The following CASD1 variants were observed in gnomAD, a reference collection of about 807,000 sequenced individuals.
The protein encoded by CASD1 is N-acetylneuraminate (7)9-O-acetyltransferase.
In CASD1, 41 loss-of-function variants were observed where a neutral mutation model predicts 100.0. That is an observed-to-expected ratio of 0.41 (90% CI 0.32 to 0.53). CASD1 has a LOEUF of 0.53. CASD1 is among the 20% of genes least tolerant of loss of function. The pLI is 0.25. For missense variants in CASD1, 774 were observed against 948.7 expected (o/e 0.82, Z 2.42); for synonymous variants, 321 against 315.6 (o/e 1.02, Z -0.18).
chr7:94,618,774 T>C, the CASD1 span: 1 of 1,613,934 alleles, frequency 6.2e-7, no homozygotes, highest in Non-Finnish European at 8.5e-7. Flanking sequence ...TTCAGGTCAT[T>C]AATGGGAAGT....
intron 14 of CASD1, 88 bp downstream of exon 14, chr7:94,549,722 C>A (rs2116406499): frequency 1.1e-6 from 1 of 938,766 alleles, no homozygotes; most frequent in Non-Finnish European, 1.6e-6. Flanking sequence ...TACTTAGTTT[C>A]AGAATAAATA....
chr7:94,548,017 G>C (rs1466386189), intron 13 of CASD1, among the ~76,000 whole-genome samples: 1 of 151,030 alleles, frequency 6.6e-6, no homozygotes, highest in Non-Finnish European at 1.5e-5. Context: ...ATTTCTGCTT[G>C]ACACTCAAGC....
chr7:94,594,066 G>A, the CASD1 span, among the ~76,000 whole-genome samples: 1 of 152,010 alleles, frequency 6.6e-6, no homozygotes, highest in African/African-American at 2.4e-5. Flanking sequence ...ACTCTCTCTT[G>A]ACGTTCCTTT....
the CASD1 span, chr7:94,598,578 G>GA: frequency 1.7e-6 from 1 of 596,684 alleles, no homozygotes; most frequent in Non-Finnish European, 3.0e-6. Flanking sequence ...ATCAGTGGGG[G>GA]AAAAAAAGTG....
At chr7:94,609,604 T>C in the CASD1 span, among the ~76,000 whole-genome samples, 4 of 152,144 alleles carry the variant, frequency 2.6e-5, no homozygotes, top group African/African-American at 9.7e-5. Context: ...GTGGTAAATA[T>C]GCACATGAAA....
At chr7:94,555,437 G>A in intron 17 of CASD1, 55 bp from the exon 18 acceptor site, 1 of 1,522,540 alleles carries the variant, frequency 6.6e-7, no homozygotes, top group Non-Finnish European at 8.9e-7. Context: ...AGGGAAAACT[G>A]TAATTTATTC....
the CASD1 span, among the ~76,000 whole-genome samples, chr7:94,579,579 C>A: frequency 6.6e-6 from 1 of 152,136 alleles, no homozygotes; most frequent in Non-Finnish European, 1.5e-5. Flanking sequence ...AATACCATCT[C>A]AGACTTTCCC....
chr7:94,512,608 C>T (rs916699639), intron 1 of CASD1, among the ~76,000 whole-genome samples: 5 of 152,164 alleles, frequency 3.3e-5, no homozygotes, highest in Admixed American at 2.6e-4. Context: ...AGGGACTGTT[C>T]TACTAAAGGT....
the CASD1 span, chr7:94,587,867 A>G: frequency 6.6e-7 from 1 of 1,522,416 alleles, no homozygotes; most frequent in East Asian, 2.6e-5. Flanking sequence ...AAAACATCCA[A>G]CACATTTCTG....
the CASD1 span, among the ~76,000 whole-genome samples, chr7:94,606,557 A>G: frequency 5.9e-5 from 9 of 152,228 alleles, no homozygotes; most frequent in Non-Finnish European, 1.3e-4. Context: ...CTCTATCAGA[A>G]ATGGACACAA....
In CASD1 at chr7:94,527,704, T is replaced by C. The variant is rs553336421; in HGVS notation, c.397-484T>C. ...GAATTAGGCAGGCTCAGTGGAAGAG[T>C]TTTGTGAGCATTATGGACAGAAGGA... On this transcript the variant is annotated intron_variant, in intron 4 of 17. Transcript: ENST00000297273. Among the ~76,000 whole-genome samples, 105 of 151,708 alleles carry C rather than the reference T, an allele frequency of 6.9e-4. 1 individual carries two copies. The highest frequency in any genetic ancestry group is 2.5e-3 in the African/African-American group (104 of 41,322).
chr7:94,605,968 A>T, the CASD1 span, among the ~76,000 whole-genome samples: 6 of 152,062 alleles, frequency 3.9e-5, no homozygotes, highest in African/African-American at 1.4e-4. Flanking sequence ...AGCTGAGACT[A>T]CAGGTGCCCG....
the CASD1 span, among the ~76,000 whole-genome samples, chr7:94,631,761 T>G: frequency 6.6e-6 from 1 of 151,888 alleles, no homozygotes; most frequent in Non-Finnish European, 1.5e-5. Context: ...AGTTTTGAAC[T>G]CCTGCTAAAA....
the CASD1 span, among the ~76,000 whole-genome samples, chr7:94,576,704 T>A: frequency 6.6e-6 from 1 of 152,220 alleles, no homozygotes; most frequent in African/African-American, 2.4e-5. Context: ...CACACATTCC[T>A]CCTGGAACAA....
chr7:94,533,091 A>G (rs1470778843), intron 5 of CASD1, 114 bp from the exon 6 acceptor site: 3 of 607,326 alleles, frequency 4.9e-6, no homozygotes, highest in Non-Finnish European at 8.1e-6. Context: ...CTAAAAACTT[A>G]GAATGAATTT....
At chr7:94,576,036 T>G in the CASD1 span, among the ~76,000 whole-genome samples, 1 of 152,318 alleles carries the variant, frequency 6.6e-6, no homozygotes, top group South Asian at 2.1e-4. Context: ...TTTGGAAGTT[T>G]TGGCCATTGT....
chr7:94,509,855 G>A lies in CASD1; in HGVS notation c.-230G>A. 1 of 1,012,698 alleles carries A rather than the reference G, an allele frequency of 9.9e-7. No individual in the cohort carries two copies. Among genetic ancestry groups the A allele is most frequent in the Non-Finnish European group, 1.2e-6 (1 of 848,442 alleles). The allele number at this position is 1,012,698 out of a possible 1,614,324, so 62.7% of individuals were successfully genotyped here. ...TGGGGAACCGGCACGGCGGAGCAGC[G>A]GCGGCGGGGCTGGGGGGAGGCCGCC... On this transcript the variant is annotated 5_prime_UTR_variant, in exon 1 of 18. Transcript: ENST00000297273.
At chr7:94,514,541 G>A (rs1793878289) in intron 1 of CASD1, among the ~76,000 whole-genome samples, 1 of 152,058 alleles carries the variant, frequency 6.6e-6, no homozygotes, top group South Asian at 2.1e-4. Flanking sequence ...GGTTTATATG[G>A]GCCATCAGAT....
At chr7:94,614,751 G>C in the CASD1 span, among the ~76,000 whole-genome samples, 1 of 152,068 alleles carries the variant, frequency 6.6e-6, no homozygotes. Context: ...TTAATTATCT[G>C]ATTATTTGCC....
Sources: gnomAD v4.1 joint callset for allele counts (sites outside exome capture counted in the v4.1 genomes callset) on GRCh38, gnomAD v4.1.1 for gene constraint, MANE v1.5 for transcripts, NCBI Gene and HGNC (gene_info 2026-07-23, HGNC 2026-07-21) for gene names.